The following CD8B2 variants were observed in gnomAD, a reference collection of about 807,000 sequenced individuals.
CD8B2 encodes T-cell surface glycoprotein CD8 beta-2 chain.
Under a neutral mutation model 23.7 loss-of-function variants are expected in CD8B2, and 11 were observed. The ratio of observed to expected loss-of-function variants is 0.46; its 90% CI spans 0.29 to 0.77. CD8B2 has a LOEUF of 0.77. Ranked by LOEUF, CD8B2 falls within the 30% of genes least tolerant of loss-of-function variation. The pLI, the probability that CD8B2 is intolerant of heterozygous loss-of-function variation, is 0.09. For synonymous variants in CD8B2, 90 were observed against 109.3 expected, an observed-to-expected ratio of 0.82 and a Z score of 1.10; for missense variants, 197 against 270.5, an observed-to-expected ratio of 0.73 and a Z score of 1.91.
intron 5 of CD8B2, among the ~76,000 whole-genome samples, chr2:106,506,005 C>A (rs528342484): frequency 5.9e-5 from 9 of 152,154 alleles, no homozygotes; most frequent in East Asian, 1.9e-4. Flanking sequence ...TGGTGGCGGG[C>A]GCCTATGTAA....
intron 2 of CD8B2, among the ~76,000 whole-genome samples, chr2:106,494,472 C>T (rs112036738): frequency 4.7e-5 from 7 of 148,100 alleles, no homozygotes; most frequent in African/African-American, 1.5e-4. Context: ...CTTTTCTTTT[C>T]TTTTTTTTTT....
chr2:106,499,257 G>A (rs770509054), intron 3 of CD8B2, among the ~76,000 whole-genome samples: 1 of 152,082 alleles, frequency 6.6e-6, no homozygotes, highest in Non-Finnish European at 1.5e-5. Flanking sequence ...GTTGAGCTAG[G>A]CATGGTGGCT....
downstream of CD8B2, among the ~76,000 whole-genome samples, chr2:106,512,634 G>A (rs11676707): frequency 0.028 from 4,284 of 151,884 alleles, 72 homozygotes; most frequent in Non-Finnish European, 0.031. Flanking sequence ...TAGTAGAGAT[G>A]AGGTCTCGCT....
intron 5 of CD8B2, among the ~76,000 whole-genome samples, chr2:106,532,328 T>C (rs1042022767): frequency 6.6e-6 from 1 of 152,156 alleles, no homozygotes; most frequent in Non-Finnish European, 1.5e-5. Flanking sequence ...AGGTATTCTC[T>C]TTACACATTT....
At chr2:106,500,655 C>T (rs919837365) in intron 3 of CD8B2, among the ~76,000 whole-genome samples, 1 of 152,046 alleles carries the variant, frequency 6.6e-6, no homozygotes, top group African/African-American at 2.4e-5. Flanking sequence ...AATTCTCTCT[C>T]TTCCTTGACA....
chr2:106,496,439 G>C (rs1292986281), intron 3 of CD8B2, among the ~76,000 whole-genome samples, 177 bp downstream of exon 3: 1 of 152,070 alleles, frequency 6.6e-6, no homozygotes, highest in African/African-American at 2.4e-5. Context: ...AGTCTCGTGG[G>C]AGACAGACTC....
In CD8B2 at chr2:106,504,295, G is replaced by A. The variant is rs576973380; in HGVS notation, c.590G>A (p.Arg197Gln). Residue 197 changes from arginine to glutamine, a missense_variant, in exon 5 of 6, where the codon CGG becomes CAG. By Grantham distance (43) the Arg-to-Gln change is conservative. Around this residue, in one of 3 missense-constraint regions of CD8B2, gnomAD observed 22 missense variants for 23.4 expected, o/e 0.94. Coordinates refer to ENST00000643224, the MANE Select transcript of CD8B2 (RefSeq NM_001349727.2). ...LGVAMHLCCR[R>Q]RRARLRFMKQ... ...CCTTGCTTTCCTCTTCCAGGCCGGC[G>A]GAGGAGAGCCCGGCTTCGTTTCATG... is the stretch of plus-strand genomic sequence containing the variant. The A allele has an allele frequency of 3.0e-5, 46 of 1,555,906 alleles. No homozygotes were observed. Among genetic ancestry groups the A allele is most frequent in the South Asian group, 2.4e-4 (20 of 84,282 alleles).
At chr2:106,501,997 T>C (rs558428092) in intron 3 of CD8B2, among the ~76,000 whole-genome samples, 60 of 152,178 alleles carry the variant, frequency 3.9e-4, no homozygotes, top group South Asian at 6.2e-4. Context: ...TTAAAGTGCT[T>C]ACAAAGACTA....
At chr2:106,512,396 G>A (rs1426222257), downstream of CD8B2, among the ~76,000 whole-genome samples, 2 of 151,942 alleles carry the variant, frequency 1.3e-5, no homozygotes. Context: ...ATTTTTAATT[G>A]TAGACCATTT....
intron 5 of CD8B2, among the ~76,000 whole-genome samples, chr2:106,521,112 C>T (rs895141668): frequency 3.3e-5 from 5 of 151,270 alleles, no homozygotes; most frequent in East Asian, 1.9e-4. Context: ...GAATGGGAAT[C>T]GGATTTTATA....
intron 5 of CD8B2, among the ~76,000 whole-genome samples, chr2:106,517,711 G>GT (rs143803248): frequency 0.29 from 43,195 of 150,058 alleles, 6,492 homozygotes; most frequent in African/African-American, 0.33. Flanking sequence ...TTTTTTTTTT[G>GT]TTTTTTTGTT....
At chr2:106,492,471 C>T (rs546399722) in intron 2 of CD8B2, among the ~76,000 whole-genome samples, 36 of 152,298 alleles carry the variant, frequency 2.4e-4, no homozygotes, top group East Asian at 5.8e-4. Context: ...GTTCGATGAG[C>T]ATTTTACATA....
Position 106,507,263 on chromosome 2 carries a change from G to C in CD8B2, c.*323G>C. 2 of 1,141,844 alleles carry C rather than the reference G, an allele frequency of 1.8e-6. No individual in the cohort carries two copies. Among genetic ancestry groups the C allele is most frequent in the African/African-American group, 3.2e-5 (2 of 62,228 alleles). 70.7% of individuals were successfully genotyped at this position (1,141,844 alleles called of 1,614,324 possible). A position where few individuals can be genotyped will look rare whatever the true frequency, so the allele number is the denominator to read the frequency against. ...CCCTGAGCTGGGACCTTTAGTGGTGGCCGTTTAGCCACCATCTTTGCAAGT... is the reference window on the plus strand; with the variant it reads ...CCCTGAGCTGGGACCTTTAGTGGTGCCCGTTTAGCCACCATCTTTGCAAGT... On this transcript the variant is annotated 3_prime_UTR_variant, in exon 6 of 6. Coordinates refer to ENST00000643224, the MANE Select transcript of CD8B2 (RefSeq NM_001349727.2).
downstream of CD8B2, among the ~76,000 whole-genome samples, chr2:106,512,183 C>G (rs1679645279): frequency 6.6e-6 from 1 of 152,088 alleles, no homozygotes; most frequent in Non-Finnish European, 1.5e-5. Context: ...TCAAGCGATC[C>G]TTGCACCTCA....
intron 5 of CD8B2, among the ~76,000 whole-genome samples, chr2:106,532,900 G>A (rs1415257342): frequency 1.3e-5 from 2 of 152,160 alleles, no homozygotes; most frequent in Non-Finnish European, 2.9e-5. Flanking sequence ...AACCTCCTGG[G>A]AATGCAGCCC....
At chr2:106,524,091 G>A (rs1191393811) in intron 5 of CD8B2, among the ~76,000 whole-genome samples, 1 of 152,174 alleles carries the variant, frequency 6.6e-6, no homozygotes, top group African/African-American at 2.4e-5. Flanking sequence ...TCGGCCATGT[G>A]GGGCTGATTG....
At chr2:106,501,653 G>T (rs371498905) in intron 3 of CD8B2, among the ~76,000 whole-genome samples, 1 of 152,206 alleles carries the variant, frequency 6.6e-6, no homozygotes, top group East Asian at 1.9e-4. Context: ...CTGCACTCCA[G>T]CCTGGGCGAC....
intron 5 of CD8B2, chr2:106,543,342 T>A (rs1680206438): frequency 6.6e-6 from 1 of 151,908 alleles, no homozygotes; most frequent in Non-Finnish European, 1.5e-5. Flanking sequence ...GCCTGGGCAA[T>A]ATAATAAGAA....
At chr2:106,514,303 T>C (rs1573342087), downstream of CD8B2, among the ~76,000 whole-genome samples, 1 of 148,790 alleles carries the variant, frequency 6.7e-6, no homozygotes, top group African/African-American at 2.5e-5. Flanking sequence ...TTTTTTTTTT[T>C]TTGAGACACA....
Sources: allele counts gnomAD v4.1 joint callset (sites outside exome capture counted in the v4.1 genomes callset), GRCh38; gene constraint gnomAD v4.1.1; regional missense constraint gnomAD v4.1.1; transcripts MANE v1.5; gene names NCBI Gene and HGNC (gene_info 2026-07-23, HGNC 2026-07-21).